GPC5: variants seen among roughly 807,000 people sequenced by gnomAD.
GPC5 encodes the protein glypican 5.
A neutral mutation model predicts 53.9 loss-of-function variants in GPC5; 47 were observed. The observed-to-expected ratio is 0.87, with a 90% CI of 0.69 to 1.11. The LOEUF (loss-of-function observed/expected upper bound fraction) is 1.11. Ranked by LOEUF, GPC5 falls within the 50% of genes most tolerant of loss-of-function variation. The probability of loss-of-function intolerance (pLI) is 0.00; values close to 1 mark genes in which losing one functional copy is unlikely to be tolerated. For synonymous variants in GPC5, 286 were observed against 263.3 expected (o/e 1.09, Z -0.84); for missense variants, 748 against 713.1 (o/e 1.05, Z -0.56).
chr13:91,743,245 T>C lies in GPC5; in HGVS notation c.1155-13050T>C, dbSNP rs538464494. The stretch of plus-strand genomic sequence containing the variant: ...CAAGTTCAGCTCCTGTTGTTACAAT[T>C]TTTTTTACTGAACTTCTAGAAGAGG... On this transcript the variant is annotated intron_variant, in intron 4 of 7. Coordinates refer to ENST00000377067, the MANE Select transcript of GPC5 (RefSeq NM_004466.6). Among the ~76,000 whole-genome samples, 9 of 152,240 alleles carry C rather than the reference T, an allele frequency of 5.9e-5. No homozygotes were observed. The East Asian group carries it at 1.7e-3, about 29-fold the overall frequency.
At chr13:92,436,050 A>G (rs558931765) in intron 7 of GPC5, among the ~76,000 whole-genome samples, 40 of 152,170 alleles carry the variant, frequency 2.6e-4, no homozygotes, top group Non-Finnish European at 5.4e-4. Context: ...CTTACTGACT[A>G]TTCTGTTATT....
chr13:92,565,780 T>A (rs1016140085), intron 7 of GPC5, among the ~76,000 whole-genome samples: 1 of 152,070 alleles, frequency 6.6e-6, no homozygotes, highest in African/African-American at 2.4e-5. Context: ...AGGGGCCTAT[T>A]GATTGAAGTT....
At chr13:92,436,766 T>C (rs1160744877) in intron 7 of GPC5, among the ~76,000 whole-genome samples, 3 of 152,270 alleles carry the variant, frequency 2.0e-5, no homozygotes, top group South Asian at 2.1e-4. Flanking sequence ...TGCACTAAAA[T>C]CAGTCATGTA....
At chr13:92,025,077 C>T (rs910325081) in intron 6 of GPC5, among the ~76,000 whole-genome samples, 8 of 152,250 alleles carry the variant, frequency 5.3e-5, no homozygotes, top group Admixed American at 5.2e-4. Flanking sequence ...CTGTTACTGT[C>T]TTCACTTACC....
At chr13:92,657,228 G>A (rs1886166063) in intron 7 of GPC5, among the ~76,000 whole-genome samples, 1 of 151,988 alleles carries the variant, frequency 6.6e-6, no homozygotes, top group Admixed American at 6.6e-5. Context: ...ATATATTAAA[G>A]TTAAGTATGA....
At chr13:92,769,708 T>C (rs1010984249) in intron 7 of GPC5, among the ~76,000 whole-genome samples, 1 of 152,212 alleles carries the variant, frequency 6.6e-6, no homozygotes, top group Non-Finnish European at 1.5e-5. Context: ...TGTCAGAGAA[T>C]GTATTTACAT....
intron 2 of GPC5, among the ~76,000 whole-genome samples, chr13:91,524,021 AATACT>A (rs1235866331): frequency 2.0e-5 from 3 of 152,002 alleles, no homozygotes; most frequent in African/African-American, 7.2e-5. Flanking sequence ...TAATAATGTG[AATACT>A]ATAATAAATA....
chr13:92,620,127 T>G (rs1440913409), intron 7 of GPC5, among the ~76,000 whole-genome samples: 1 of 152,102 alleles, frequency 6.6e-6, no homozygotes, highest in Non-Finnish European at 1.5e-5. Context: ...CACTTAATCT[T>G]TTTAATTTTT....
In GPC5 at chr13:92,782,761, T is replaced by C. The variant is rs376163744; in HGVS notation, c.1562-83521T>C. Reference sequence around the variant, plus strand: ...AGCATCTCTGAGCTTCAGACACTTATGTAATAGCCATAAGACACTATGGAC... The same window carrying C: ...AGCATCTCTGAGCTTCAGACACTTACGTAATAGCCATAAGACACTATGGAC... On this transcript the variant is annotated intron_variant, in intron 7 of 7. Coordinates refer to ENST00000377067, the MANE Select transcript of GPC5 (RefSeq NM_004466.6). Among the ~76,000 whole-genome samples the C allele has an allele frequency of 4.0e-4, 61 of 152,280 alleles. 1 individual carries two copies. In the East Asian group the frequency reaches 4.2e-3, roughly 11 times the overall value.
At chr13:92,621,688 C>T (rs1271979886) in intron 7 of GPC5, among the ~76,000 whole-genome samples, 3 of 151,960 alleles carry the variant, frequency 2.0e-5, no homozygotes, top group East Asian at 1.9e-4. Context: ...GGTGTGGTGG[C>T]GGGCGCTTGT....
intron 7 of GPC5, among the ~76,000 whole-genome samples, chr13:92,621,788 C>T (rs765311625): frequency 1.2e-4 from 18 of 152,024 alleles, no homozygotes; most frequent in East Asian, 1.9e-4. Context: ...CATTACACTC[C>T]GGCCTGGGCA....
At chr13:92,386,707 A>G (rs572744625) in intron 7 of GPC5, among the ~76,000 whole-genome samples, 79 of 152,112 alleles carry the variant, frequency 5.2e-4, no homozygotes, top group African/African-American at 1.9e-3. Flanking sequence ...AATGAACATG[A>G]CCCTATTTCA....
At chr13:92,043,467 T>A (rs1002037863) in intron 6 of GPC5, among the ~76,000 whole-genome samples, 14 of 151,924 alleles carry the variant, frequency 9.2e-5, no homozygotes, top group African/African-American at 3.1e-4. Flanking sequence ...GCCATGGAAA[T>A]TGGTAAGGAG....
chr13:92,381,915 TATAATCA>T, intron 7 of GPC5, among the ~76,000 whole-genome samples: 1 of 137,696 alleles, frequency 7.3e-6, no homozygotes, highest in African/African-American at 2.7e-5. Context: ...ATATGATATA[TATAATCA>T]TATATATGAT....
chr13:91,486,342 AT>A (rs1883607568), intron 2 of GPC5: 1 of 152,208 alleles, frequency 6.6e-6, no homozygotes, highest in African/African-American at 2.4e-5. Context: ...TGTAAGCCAG[AT>A]TGCTTCTTAA....
At chr13:92,029,547 C>T (rs2040825336) in intron 6 of GPC5, among the ~76,000 whole-genome samples, 2 of 152,202 alleles carry the variant, frequency 1.3e-5, no homozygotes, top group South Asian at 4.1e-4. Context: ...GGCTCCAGCT[C>T]CTTCTGGGCA....
At chr13:91,441,771 G>C (rs1880451695) in intron 1 of GPC5, among the ~76,000 whole-genome samples, 1 of 152,164 alleles carries the variant, frequency 6.6e-6, no homozygotes, top group Non-Finnish European at 1.5e-5. Flanking sequence ...GTTCTTGGAT[G>C]TATACAAAGA....
intron 7 of GPC5, among the ~76,000 whole-genome samples, chr13:92,640,843 A>C (rs1409696906): frequency 6.6e-6 from 1 of 152,150 alleles, no homozygotes; most frequent in Admixed American, 6.5e-5. Flanking sequence ...GATTAAATGA[A>C]GTAGGAAATT....
At chr13:91,714,832 C>T (rs766327094) in intron 3 of GPC5, among the ~76,000 whole-genome samples, 38 of 152,120 alleles carry the variant, frequency 2.5e-4, no homozygotes, top group Non-Finnish European at 2.5e-4. Context: ...TTGCTTTGCC[C>T]GGGAAAGAAC....
Sources: allele counts gnomAD v4.1 joint callset (sites outside exome capture counted in the v4.1 genomes callset), GRCh38; gene constraint gnomAD v4.1.1; transcripts MANE v1.5; gene names NCBI Gene and HGNC (gene_info 2026-07-23, HGNC 2026-07-21).